ETV7: variants seen among roughly 807,000 people sequenced by gnomAD.
The protein encoded by ETV7 is ETS variant transcription factor 7, also known as transcription factor ETV7.
Under a neutral mutation model 39.1 loss-of-function variants are expected in ETV7, and 43 were observed. The observed-to-expected ratio is 1.10, with a 90% CI of 0.86 to 1.42. The LOEUF (loss-of-function observed/expected upper bound fraction) is 1.42, where lower values mean the gene tolerates loss of function less well. Among genes scored for constraint, ETV7 ranks in the 40% most tolerant of loss-of-function variants. The pLI is 0.00. For missense variants in ETV7, 432 were observed against 442.3 expected (o/e 0.98, Z 0.21); for synonymous variants, 196 against 176.6 (o/e 1.11, Z -0.87).
intron 4 of ETV7, 102 bp downstream of exon 4, chr6:36,373,349 CCA>C: frequency 7.3e-7 from 1 of 1,361,684 alleles, no homozygotes; most frequent in Non-Finnish European, 9.6e-7. Context: ...GGGAGCTTGC[CCA>C]CACTGGCCAC....
chr6:36,384,310 G>T (rs565522033), intron 2 of ETV7, among the ~76,000 whole-genome samples: 2 of 152,308 alleles, frequency 1.3e-5, no homozygotes, highest in East Asian at 3.9e-4. Context: ...AGAATAGGCT[G>T]CCTCAAGAGG....
chr6:36,379,423 T>C (rs961554220), intron 2 of ETV7, among the ~76,000 whole-genome samples: 6 of 151,664 alleles, frequency 4.0e-5, no homozygotes, highest in Admixed American at 3.3e-4. Context: ...TGGTGGTGCA[T>C]GCTTATAGTC....
downstream of ETV7, chr6:36,366,085 A>G: frequency 3.2e-6 from 2 of 620,694 alleles, no homozygotes; most frequent in Non-Finnish European, 4.0e-6. Flanking sequence ...GAGGCACGAG[A>G]ATCTCTTGAA....
At chr6:36,378,240 G>GAA (rs34940984) in intron 2 of ETV7, among the ~76,000 whole-genome samples, 51,043 of 139,876 alleles carry the variant, frequency 0.36, 10,644 homozygotes, top group African/African-American at 0.55. Context: ...ATCTAATATG[G>GAA]AAAAAAAAAA....
chr6:36,365,064 G>A (rs955290157), downstream of ETV7, among the ~76,000 whole-genome samples: 1 of 152,202 alleles, frequency 6.6e-6, no homozygotes. Context: ...GCCAGTGCAG[G>A]CGCCAGCAGA....
Position 36,369,026 on chromosome 6 carries a change from G to A in ETV7, c.710C>T (p.Thr237Ile), listed in dbSNP as rs138338549. 3,130 of 1,614,160 alleles carry A rather than the reference G, an allele frequency of 1.9e-3. 28 individuals are homozygous for A. The highest frequency in any genetic ancestry group is 1.5e-3 in the Non-Finnish European group (1,738 of 1,180,030). ...WDYVYQLLLD[T>I]RYEPYIKWED... Reference sequence around the variant, plus strand: ...CCACTTGATGTAGGGCTCATATCGGGTATCAAGGAGCAGCTGATACACGTA... The same window carrying A: ...CCACTTGATGTAGGGCTCATATCGGATATCAAGGAGCAGCTGATACACGTA... The change falls in exon 6 of 8, where the codon ACC becomes ATC. Residue 237 changes from threonine (T) to isoleucine (I), a missense_variant. Thr to Ile is a moderately conservative substitution (Grantham distance 89, BLOSUM62 -1). Coordinates refer to ENST00000340181, the MANE Select transcript of ETV7 (RefSeq NM_016135.4).
At chr6:36,358,292 G>A (rs1245929555) in intron 7 of ETV7, among the ~76,000 whole-genome samples, 2 of 152,214 alleles carry the variant, frequency 1.3e-5, no homozygotes, top group Non-Finnish European at 2.9e-5. Context: ...TAAAGATGTG[G>A]TTGAGCTGCC....
Position 36,373,589 on chromosome 6 carries a change from GTGGGA to G in ETV7, c.308-16_308-12del. The G allele has an allele frequency of 6.6e-7, 1 of 1,518,654 alleles. No individual in the cohort carries two copies. The highest frequency in any genetic ancestry group is 8.8e-7 in the Non-Finnish European group (1 of 1,133,708). The allele number at this position is 1,518,654 out of a possible 1,614,324, so 94.1% of individuals were successfully genotyped here. ...CATACAGGACGTCACCTGGAGGTGG[GTGGGA>G]GGGAGGGCAGGCTGCTGAACAGGCC... On this transcript the variant is annotated splice_polypyrimidine_tract_variant and intron_variant, in intron 3 of 7. Transcript: ENST00000340181.
At chr6:36,362,092 A>G (rs1772506810), downstream of ETV7, among the ~76,000 whole-genome samples, 2 of 152,044 alleles carry the variant, frequency 1.3e-5, no homozygotes, top group Admixed American at 1.3e-4. Flanking sequence ...AGGTCAGGAG[A>G]TCGAGACCAT....
intron 3 of ETV7, among the ~76,000 whole-genome samples, chr6:36,374,084 G>A (rs1206143297): frequency 6.6e-6 from 1 of 152,174 alleles, no homozygotes; most frequent in Non-Finnish European, 1.5e-5. Context: ...AAAGCCAGGT[G>A]CGGTGGCTCA....
rs1772735834 is a variant in ETV7, at chr6:36,366,669, G to C, written c.1002C>G (p.Asp334Glu). 4 of 1,614,032 alleles carry C rather than the reference G, an allele frequency of 2.5e-6. No individual in the cohort carries two copies. The South Asian group carries it at 4.4e-5, about 18-fold the overall frequency. Residue 334 changes from aspartate to glutamate, a missense_variant, in exon 8 of 8, where the codon GAC (aspartate) becomes GAG (glutamate). Transcript: ENST00000340181. ...SQEQDRIEFKDKRPEISP is the reference protein window; with the variant it reads ...SQEQDRIEFKEKRPEISP ...CTCACGGAGAGATTTCTGGCCTCTT[G>C]TCCTTGAACTCTATTCTGTCCTGCT...
At chr6:36,368,865 A>G in intron 6 of ETV7, 64 bp downstream of exon 6, 1 of 1,602,690 alleles carries the variant, frequency 6.2e-7, no homozygotes, top group Non-Finnish European at 8.5e-7. Context: ...CTAGGGGTCC[A>G]CTCTGACCCC....
At chr6:36,378,970 G>C (rs1428273656) in intron 2 of ETV7, among the ~76,000 whole-genome samples, 2 of 152,218 alleles carry the variant, frequency 1.3e-5, no homozygotes. Context: ...TTAATAGCAG[G>C]AGTGCAGGGA....
intron 4 of ETV7, among the ~76,000 whole-genome samples, chr6:36,372,533 G>T (rs1034419222): frequency 1.4e-4 from 21 of 151,480 alleles, no homozygotes; most frequent in African/African-American, 5.1e-4. Context: ...AGGCAATGGG[G>T]GCTGGAATGG....
At chr6:36,376,106 C>G in intron 2 of ETV7, 71 bp from the exon 3 acceptor site, 1 of 1,437,064 alleles carries the variant, frequency 7.0e-7, no homozygotes, top group Non-Finnish European at 9.4e-7. Flanking sequence ...CTGAACACTT[C>G]ATCTGAGCAG....
chr6:36,383,222 G>C (rs1258218760), intron 2 of ETV7, among the ~76,000 whole-genome samples: 1 of 152,128 alleles, frequency 6.6e-6, no homozygotes, highest in Non-Finnish European at 1.5e-5. Flanking sequence ...ACCGGGGATG[G>C]GGAGGTGAGA....
chr6:36,356,323 C>CAAAAAAAAAA lies in ETV7; in HGVS notation c.909-1646_909-1637dup, dbSNP rs59649348. 2.9e-3 allele frequency among the ~76,000 whole-genome samples: 226 copies of CAAAAAAAAAA among 77,580 alleles called. 7 individuals are homozygous for CAAAAAAAAAA. Among genetic ancestry groups the CAAAAAAAAAA allele is most frequent in the Non-Finnish European group, 5.2e-3 (178 of 34,532 alleles). 50.9% of individuals were successfully genotyped at this position (77,580 alleles called of 152,430 possible). A position where few individuals can be genotyped will look rare whatever the true frequency, so the allele number is the denominator to read the frequency against. On this transcript the variant is annotated intron_variant, in intron 7 of 7. Coordinates refer to the ETV7 transcript ENST00000339796. ...TGGGTAAAAGAGTGAGACCCTGTCT[C>CAAAAAAAAAA]AAAAAAAAAAAAAAAACAAAAAAAA...
chr6:36,379,708 T>G (rs911413585), intron 2 of ETV7, among the ~76,000 whole-genome samples: 1 of 151,468 alleles, frequency 6.6e-6, no homozygotes, highest in African/African-American at 2.4e-5. Context: ...AAACCCCATC[T>G]CTACTAAAAA....
intron 2 of ETV7, among the ~76,000 whole-genome samples, chr6:36,380,310 T>C (rs1283894760): frequency 6.6e-6 from 1 of 152,202 alleles, no homozygotes; most frequent in Non-Finnish European, 1.5e-5. Context: ...TCTCCCTCTC[T>C]TGGCAATAAT....
Sources: allele counts gnomAD v4.1 joint callset (sites outside exome capture counted in the v4.1 genomes callset), GRCh38; gene constraint gnomAD v4.1.1; transcripts MANE v1.5; gene names NCBI Gene and HGNC (gene_info 2026-07-23, HGNC 2026-07-21).